Variants in TAFA2 observed in about 807,000 individuals in gnomAD.
TAFA2 encodes chemokine-like protein TAFA-2.
A neutral mutation model predicts 18.8 loss-of-function variants in TAFA2; 7 were observed. The observed-to-expected ratio is 0.37, with a 90% CI of 0.21 to 0.70. TAFA2 has a LOEUF of 0.70. TAFA2 is among the 30% of genes least tolerant of loss of function. TAFA2 has a pLI of 0.53. For synonymous variants in TAFA2, 60 were observed against 54.2 expected, an observed-to-expected ratio of 1.11 and a Z score of -0.47; for missense variants, 122 against 158.1, an observed-to-expected ratio of 0.77 and a Z score of 1.23.
chr12:61,722,476 C>G (rs1869950603), intron 4 of TAFA2, among the ~76,000 whole-genome samples: 1 of 152,030 alleles, frequency 6.6e-6, no homozygotes, highest in African/African-American at 2.4e-5. Context: ...TGAAGTGGGT[C>G]AGTGTTATGA....
intron 1 of TAFA2, among the ~76,000 whole-genome samples, chr12:61,938,220 A>G (rs926734101): frequency 4.8e-5 from 7 of 144,366 alleles, no homozygotes; most frequent in Non-Finnish European, 1.1e-4. Context: ...TTGTACCACA[A>G]TAGATATGGT....
chr12:62,045,393 C>T (rs1881882935), intron 1 of TAFA2, among the ~76,000 whole-genome samples: 2 of 152,058 alleles, frequency 1.3e-5, no homozygotes, highest in African/African-American at 2.4e-5. Flanking sequence ...TTTTAAGTTT[C>T]ATGCTCTCCT....
intron 1 of TAFA2, among the ~76,000 whole-genome samples, chr12:62,176,602 A>G (rs1034264043): frequency 6.6e-6 from 1 of 152,200 alleles, no homozygotes; most frequent in African/African-American, 2.4e-5. Flanking sequence ...GAATTTTTCA[A>G]ATTTCCTTAG....
chr12:62,110,427 G>T (rs1869670244), intron 1 of TAFA2, among the ~76,000 whole-genome samples: 1 of 152,032 alleles, frequency 6.6e-6, no homozygotes, highest in South Asian at 2.1e-4. Flanking sequence ...AGGGATATTG[G>T]CCTGGAATTT....
At chr12:62,018,524 T>C (rs1881013938) in intron 1 of TAFA2, among the ~76,000 whole-genome samples, 1 of 152,146 alleles carries the variant, frequency 6.6e-6, no homozygotes, top group Non-Finnish European at 1.5e-5. Flanking sequence ...CTGCCACGTA[T>C]CTACAACTAT....
At chr12:61,844,890 T>TTG (rs976088338) in intron 2 of TAFA2, among the ~76,000 whole-genome samples, 2 of 152,068 alleles carry the variant, frequency 1.3e-5, no homozygotes, top group South Asian at 2.1e-4. Flanking sequence ...AATATAGACA[T>TTG]TGTGTGTGTG....
rs530063318 is a variant in TAFA2 at position 62,256,063 on chromosome 12, G to A, written c.-130+2700C>T. ...GCGGGCAGATCGCCAGAGGTCGGGA[G>A]TTTGAGACCAGCCTGGCCAGCATGG... On this transcript the variant is annotated intron_variant, in intron 1 of 5. Coordinates refer to the TAFA2 transcript ENST00000551619. 2.2e-4 allele frequency among the ~76,000 whole-genome samples: 33 copies of A among 152,148 alleles called. No homozygotes were observed. The South Asian group carries it at 2.7e-3, about 12-fold the overall frequency.
At chr12:61,785,337 G>GTGTGTC (rs1350713517) in intron 2 of TAFA2, among the ~76,000 whole-genome samples, 1 of 150,492 alleles carries the variant, frequency 6.6e-6, no homozygotes, top group African/African-American at 2.4e-5. Flanking sequence ...GTGTGTGTGT[G>GTGTGTC]TGTGTGTGTG....
chr12:62,047,106 C>A (rs947959573), intron 1 of TAFA2, among the ~76,000 whole-genome samples: 8 of 151,978 alleles, frequency 5.3e-5, no homozygotes, highest in Non-Finnish European at 1.2e-4. Context: ...AGGTCAGGAA[C>A]TGAAGCATCA....
intron 2 of TAFA2, among the ~76,000 whole-genome samples, chr12:61,799,682 C>T (rs887903002): frequency 6.6e-6 from 1 of 151,982 alleles, no homozygotes; most frequent in Non-Finnish European, 1.5e-5. Flanking sequence ...ATTAGCCGGG[C>T]GTGGTGGCTG....
intron 1 of TAFA2, among the ~76,000 whole-genome samples, chr12:61,910,102 G>T (rs1467031185): frequency 3.9e-4 from 3 of 7,652 alleles, no homozygotes; most frequent in East Asian, 0.016. Context: ...GTGTGTGTTT[G>T]TGTGTGTGTG....
chr12:61,718,393 C>T (rs1349029556), intron 4 of TAFA2, among the ~76,000 whole-genome samples: 1 of 152,142 alleles, frequency 6.6e-6, no homozygotes, highest in African/African-American at 2.4e-5. Flanking sequence ...CTAATAAATT[C>T]CTTTGACACT....
intron 4 of TAFA2, among the ~76,000 whole-genome samples, chr12:61,738,462 T>C (rs1868346261): frequency 6.6e-6 from 1 of 152,066 alleles, no homozygotes; most frequent in Admixed American, 6.6e-5. Flanking sequence ...ACTAGTTGAA[T>C]AAATGTCAAT....
chr12:62,079,885 T>TA (rs1263781303), intron 1 of TAFA2, among the ~76,000 whole-genome samples: 1 of 152,156 alleles, frequency 6.6e-6, no homozygotes, highest in Non-Finnish European at 1.5e-5. Flanking sequence ...CATCGCAAAT[T>TA]ACGACAAACT....
chr12:62,138,520 G>GT (rs1328514392), intron 1 of TAFA2, among the ~76,000 whole-genome samples: 3 of 152,310 alleles, frequency 2.0e-5, no homozygotes, highest in South Asian at 4.1e-4. Context: ...CAGGCACACA[G>GT]TATGTGCACA....
chr12:62,060,287 G>A (rs976298712), intron 1 of TAFA2, among the ~76,000 whole-genome samples: 1 of 152,074 alleles, frequency 6.6e-6, no homozygotes, highest in Non-Finnish European at 1.5e-5. Context: ...TGACATTTTG[G>A]TCAACAATGG....
At chr12:61,893,414 C>T (rs1449877143) in intron 1 of TAFA2, among the ~76,000 whole-genome samples, 1 of 152,128 alleles carries the variant, frequency 6.6e-6, no homozygotes, top group Non-Finnish European at 1.5e-5. Flanking sequence ...AGAACAAAAA[C>T]TGGGTAGCAG....
rs1185755581 is a variant in TAFA2 at position 61,709,580 on chromosome 12, A to C, written c.*826T>G. ...CTCACTGCTGATTTCTGTGAAGGGA[A>C]TAAGTAAACATAAAAAATTAAAGAA... is the stretch of plus-strand genomic sequence containing the variant. On this transcript the variant is annotated 3_prime_UTR_variant, in exon 5 of 5. Transcript: ENST00000416284. The C allele has an allele frequency of 2.6e-5, 4 of 151,122 alleles. 1 individual carries two copies. Among genetic ancestry groups the C allele is most frequent in the South Asian group, 4.2e-4 (2 of 4,714 alleles). The allele number at this position is 151,122 out of a possible 1,614,324, so 9.4% of individuals were successfully genotyped here.
intron 1 of TAFA2, among the ~76,000 whole-genome samples, chr12:61,982,392 T>C (rs962582147): frequency 1.3e-5 from 2 of 151,950 alleles, no homozygotes; most frequent in African/African-American, 4.8e-5. Flanking sequence ...TACCTATGTA[T>C]CAAACCTGCA....
Sources: allele counts gnomAD v4.1 joint callset (sites outside exome capture counted in the v4.1 genomes callset), GRCh38; gene constraint gnomAD v4.1.1; transcripts MANE v1.5; gene names NCBI Gene and HGNC (gene_info 2026-07-23, HGNC 2026-07-21).